Variants in BRINP3 observed in about 807,000 individuals in gnomAD.
BRINP3 encodes BMP/retinoic acid-inducible neural-specific protein 3.
BRINP3 carries 19 observed loss-of-function variants against 71.0 expected under a neutral mutation model. That is an observed-to-expected ratio of 0.27 (90% CI 0.19 to 0.39). The LOEUF (loss-of-function observed/expected upper bound fraction) is 0.39. Among genes scored for constraint, BRINP3 ranks in the 10% least tolerant of loss-of-function variants. The pLI is 1.00. For missense variants in BRINP3, 959 were observed against 940.8 expected (o/e 1.02, Z -0.25); for synonymous variants, 380 against 337.7 (o/e 1.13, Z -1.37).
At chr1:190,314,369 G>C (rs544715740) in intron 2 of BRINP3, among the ~76,000 whole-genome samples, 3 of 152,002 alleles carry the variant, frequency 2.0e-5, no homozygotes, top group Non-Finnish European at 4.4e-5. Flanking sequence ...CTTGGGTTAC[G>C]GGACAAAGGG....
At chr1:190,120,186 G>C (rs967204872) in intron 7 of BRINP3, among the ~76,000 whole-genome samples, 1 of 152,116 alleles carries the variant, frequency 6.6e-6, no homozygotes, top group Non-Finnish European at 1.5e-5. Flanking sequence ...AAAGAATGTA[G>C]AATTCTGAAA....
At chr1:190,420,265 C>T (rs1673286227) in intron 2 of BRINP3, among the ~76,000 whole-genome samples, 1 of 151,992 alleles carries the variant, frequency 6.6e-6, no homozygotes, top group African/African-American at 2.4e-5. Flanking sequence ...ACTAAACAGT[C>T]TGTGTTACCA....
intron 6 of BRINP3, among the ~76,000 whole-genome samples, chr1:190,225,532 A>G (rs936280467): frequency 3.3e-5 from 5 of 151,986 alleles, no homozygotes; most frequent in Non-Finnish European, 7.4e-5. Flanking sequence ...ATAAAAATGT[A>G]TTTATTAAGT....
At chr1:190,306,279 G>A (rs963967781) in intron 2 of BRINP3, among the ~76,000 whole-genome samples, 1 of 151,660 alleles carries the variant, frequency 6.6e-6, no homozygotes, top group African/African-American at 2.4e-5. Flanking sequence ...GAGCAGAAGA[G>A]CAACATACTC....
intron 2 of BRINP3, among the ~76,000 whole-genome samples, chr1:190,396,923 C>A (rs1014243917): frequency 3.3e-5 from 5 of 151,360 alleles, no homozygotes; most frequent in Non-Finnish European, 7.4e-5. Flanking sequence ...CATCTCCCAA[C>A]TCAGTATGCA....
intron 2 of BRINP3, among the ~76,000 whole-genome samples, chr1:190,412,307 T>A (rs909520540): frequency 1.3e-5 from 2 of 150,946 alleles, no homozygotes; most frequent in African/African-American, 4.9e-5. Flanking sequence ...ATTTCTACAA[T>A]CTTGTGATGA....
At chr1:190,119,791 C>A (rs1037598372) in intron 7 of BRINP3, among the ~76,000 whole-genome samples, 1 of 152,126 alleles carries the variant, frequency 6.6e-6, no homozygotes, top group African/African-American at 2.4e-5. Context: ...TTGTAAAATC[C>A]TTAAGCTGGG....
At chr1:190,471,053 A>C (rs906206427) in intron 1 of BRINP3, among the ~76,000 whole-genome samples, 1 of 151,206 alleles carries the variant, frequency 6.6e-6, no homozygotes, top group Non-Finnish European at 1.5e-5. Flanking sequence ...TTGTAATTGG[A>C]TAGGTCTGCA....
At chr1:190,445,147 A>C (rs1484836732) in intron 2 of BRINP3, among the ~76,000 whole-genome samples, 2 of 152,050 alleles carry the variant, frequency 1.3e-5, no homozygotes, top group Non-Finnish European at 2.9e-5. Context: ...TGGGGAAATT[A>C]AAAAAATAGG....
intron 6 of BRINP3, among the ~76,000 whole-genome samples, chr1:190,196,223 G>T (rs368991510): frequency 6.6e-6 from 1 of 152,092 alleles, no homozygotes; most frequent in Non-Finnish European, 1.5e-5. Flanking sequence ...CTTTAGGACT[G>T]CTACAATTCC....
intron 2 of BRINP3, among the ~76,000 whole-genome samples, chr1:190,448,553 T>C (rs192223145): frequency 2.3e-4 from 35 of 151,790 alleles, no homozygotes; most frequent in Non-Finnish European, 4.3e-4. Context: ...CAGTTATGTT[T>C]TTTTAATTTC....
rs185113194 is a variant in BRINP3, at chr1:190,350,543, T to C, written c.237-68793A>G. 2.5e-3 allele frequency among the ~76,000 whole-genome samples: 376 copies of C among 152,244 alleles called. 1 individual carries two copies. The highest frequency in any genetic ancestry group is 8.7e-3 in the African/African-American group (361 of 41,568). On this transcript the variant is annotated intron_variant, in intron 2 of 7. Transcript: ENST00000367462. ...AAAGGAACTAGGTCACTAATAACCATGTGCATCCCTGGATTCTCTAGCTTT... is the reference window on the plus strand; with the variant it reads ...AAAGGAACTAGGTCACTAATAACCACGTGCATCCCTGGATTCTCTAGCTTT...
At chr1:190,240,192 G>T (rs1007085958) in intron 4 of BRINP3, among the ~76,000 whole-genome samples, 3 of 151,500 alleles carry the variant, frequency 2.0e-5, no homozygotes, top group African/African-American at 7.3e-5. Flanking sequence ...GTTTTTTCTT[G>T]TAAGTTCACA....
intron 2 of BRINP3, among the ~76,000 whole-genome samples, chr1:190,401,289 T>C (rs1301026857): frequency 7.2e-6 from 1 of 138,320 alleles, no homozygotes; most frequent in Non-Finnish European, 1.5e-5. Context: ...ACCCAGGAGG[T>C]GGAGGTTGCA....
chr1:190,210,444 A>T (rs1236664322), intron 6 of BRINP3, among the ~76,000 whole-genome samples: 1 of 152,122 alleles, frequency 6.6e-6, no homozygotes, highest in Non-Finnish European at 1.5e-5. Context: ...GTGAATTATG[A>T]GTTCAAATAA....
At chr1:190,322,273 AT>A in intron 2 of BRINP3, among the ~76,000 whole-genome samples, 1 of 152,084 alleles carries the variant, frequency 6.6e-6, no homozygotes, top group East Asian at 1.9e-4. Flanking sequence ...TAAAGTCCTG[AT>A]AGGTTTGTGC....
chr1:190,213,931 G>A (rs1026079921), intron 6 of BRINP3, among the ~76,000 whole-genome samples: 19 of 152,092 alleles, frequency 1.2e-4, no homozygotes, highest in African/African-American at 2.9e-4. Context: ...TTAAAATGAC[G>A]TGTGAGTCCC....
chr1:190,124,262 C>G (rs1653911865), intron 7 of BRINP3, among the ~76,000 whole-genome samples: 1 of 152,066 alleles, frequency 6.6e-6, no homozygotes, highest in South Asian at 2.1e-4. Flanking sequence ...GCTCTCTCAC[C>G]CTCTTCTGTT....
At chr1:190,369,674 G>GT (rs1426556207) in intron 2 of BRINP3, among the ~76,000 whole-genome samples, 13 of 151,594 alleles carry the variant, frequency 8.6e-5, no homozygotes, top group African/African-American at 1.2e-4. Flanking sequence ...ATGTTCTTGT[G>GT]TTTTTTTAAT....
Sources: gnomAD v4.1 joint callset for allele counts (sites outside exome capture counted in the v4.1 genomes callset) on GRCh38, gnomAD v4.1.1 for gene constraint, MANE v1.5 for transcripts, NCBI Gene and HGNC (gene_info 2026-07-23, HGNC 2026-07-21) for gene names.